PLXDC2: variants seen among roughly 807,000 people sequenced by gnomAD.
The protein encoded by PLXDC2 is plexin domain containing 2, also known as plexin domain-containing protein 2.
PLXDC2 carries 40 observed loss-of-function variants against 68.9 expected under a neutral mutation model. That is an observed-to-expected ratio of 0.58 (90% confidence interval 0.45 to 0.76). The LOEUF (loss-of-function observed/expected upper bound fraction) is 0.76, where lower values mean the gene tolerates loss of function less well. Among genes scored for constraint, PLXDC2 ranks in the 30% least tolerant of loss-of-function variants. The probability of loss-of-function intolerance (pLI) is 0.00; values close to 1 mark genes in which losing one functional copy is unlikely to be tolerated. For synonymous variants in PLXDC2, 243 were observed against 234.2 expected (o/e 1.04, Z -0.34); for missense variants, 644 against 661.9 (o/e 0.97, Z 0.30).
intron 1 of PLXDC2, among the ~76,000 whole-genome samples, chr10:19,976,636 C>A (rs1042128544): frequency 1.3e-5 from 2 of 152,134 alleles, no homozygotes; most frequent in Non-Finnish European, 2.9e-5. Context: ...GGGTATAATT[C>A]TTTCATTGCA....
At chr10:20,028,214 C>G (rs941457433) in intron 2 of PLXDC2, among the ~76,000 whole-genome samples, 4 of 152,134 alleles carry the variant, frequency 2.6e-5, no homozygotes, top group Admixed American at 6.6e-5. Context: ...TGCATTCCAT[C>G]TCAAAATCTG....
In PLXDC2 at chr10:20,240,638, C is replaced by T. The variant is rs78813388; in HGVS notation, c.1313-4707C>T. 8.9e-3 allele frequency among the ~76,000 whole-genome samples: 1,214 copies of T among 136,422 alleles called. 26 individuals carry two copies. The highest frequency in any genetic ancestry group is 0.031 in the African/African-American group (1,146 of 36,682). The allele number at this position is 136,422 out of a possible 152,430, so 89.5% of individuals were successfully genotyped here. A position where few individuals can be genotyped will look rare whatever the true frequency, so the allele number is the denominator to read the frequency against. ...ATAATACCTGCTAATATACGTTCAT[C>T]TAAAGCCCATAGAAAGAAGCTGGAA... is the stretch of plus-strand genomic sequence containing the variant. On this transcript the variant is annotated intron_variant, in intron 12 of 13. Transcript: ENST00000377252.
intron 1 of PLXDC2, among the ~76,000 whole-genome samples, chr10:19,986,175 G>A (rs941443114): frequency 2.0e-5 from 3 of 152,088 alleles, no homozygotes; most frequent in African/African-American, 7.2e-5. Flanking sequence ...GCATTTTGCA[G>A]AGCACTCTGA....
intron 1 of PLXDC2, among the ~76,000 whole-genome samples, chr10:19,946,303 ACT>A (rs1833899445): frequency 6.6e-6 from 1 of 151,874 alleles, no homozygotes; most frequent in East Asian, 1.9e-4. Flanking sequence ...AATATTCAAT[ACT>A]CTCTATAACT....
chr10:20,179,181 C>T (rs1358135030), intron 9 of PLXDC2, among the ~76,000 whole-genome samples: 1 of 152,120 alleles, frequency 6.6e-6, no homozygotes, highest in African/African-American at 2.4e-5. Flanking sequence ...TCAGTGATCA[C>T]CTCGTCCAAG....
chr10:19,931,650 G>T (rs1487263196), intron 1 of PLXDC2, among the ~76,000 whole-genome samples: 1 of 152,098 alleles, frequency 6.6e-6, no homozygotes, highest in Non-Finnish European at 1.5e-5. Flanking sequence ...AGGCCGCTAC[G>T]CTCTGCAGAG....
chr10:19,989,832 C>G (rs1443698266), intron 1 of PLXDC2, among the ~76,000 whole-genome samples: 1 of 150,446 alleles, frequency 6.6e-6, no homozygotes, highest in Non-Finnish European at 1.5e-5. Flanking sequence ...TCACTGCAAC[C>G]TCCATCCCCT....
intron 2 of PLXDC2, among the ~76,000 whole-genome samples, chr10:20,034,697 T>C (rs1191800380): frequency 1.3e-5 from 2 of 152,228 alleles, no homozygotes; most frequent in East Asian, 3.8e-4. Context: ...TTTATAATCA[T>C]GTGATACATA....
intron 3 of PLXDC2, among the ~76,000 whole-genome samples, chr10:20,057,965 A>G (rs1044138744): frequency 1.9e-4 from 29 of 152,238 alleles, no homozygotes; most frequent in Admixed American, 8.5e-4. Context: ...ATTTTTTGTA[A>G]CTATTCTTTC....
chr10:20,207,745 G>A (rs1835012111), intron 9 of PLXDC2, among the ~76,000 whole-genome samples: 1 of 152,118 alleles, frequency 6.6e-6, no homozygotes. Context: ...TTGACCAACT[G>A]GGGATTCTCA....
intron 1 of PLXDC2, among the ~76,000 whole-genome samples, chr10:19,837,356 A>C (rs369835544): frequency 8.6e-5 from 13 of 151,596 alleles, no homozygotes; most frequent in East Asian, 3.9e-4. Context: ...TAGTAATTGC[A>C]ACATTGCTCT....
intron 1 of PLXDC2, among the ~76,000 whole-genome samples, chr10:19,870,425 A>AC (rs1209033451): frequency 2.2e-5 from 3 of 134,636 alleles, no homozygotes; most frequent in Non-Finnish European, 3.2e-5. Context: ...AATTACTATT[A>AC]CTTTTTTTTT....
chr10:20,064,353 T>C (rs2131702422), intron 3 of PLXDC2, among the ~76,000 whole-genome samples: 1 of 151,938 alleles, frequency 6.6e-6, no homozygotes, highest in African/African-American at 2.4e-5. Flanking sequence ...CCCGAATAGC[T>C]AGGACTACAG....
chr10:19,915,005 A>G (rs1261662848), intron 1 of PLXDC2, among the ~76,000 whole-genome samples: 2 of 152,162 alleles, frequency 1.3e-5, no homozygotes. Context: ...ACCTCTATCA[A>G]TAAAATTAAA....
At chr10:20,100,074 C>T (rs1310613396) in intron 4 of PLXDC2, among the ~76,000 whole-genome samples, 1 of 152,110 alleles carries the variant, frequency 6.6e-6, no homozygotes, top group Non-Finnish European at 1.5e-5. Flanking sequence ...AGACCAGTAC[C>T]TTAAAGAAAG....
chr10:20,021,985 C>T (rs1835319720), intron 2 of PLXDC2, among the ~76,000 whole-genome samples: 1 of 152,190 alleles, frequency 6.6e-6, no homozygotes, highest in South Asian at 2.1e-4. Flanking sequence ...GCGTGAGCCA[C>T]CACGCCCAGC....
intron 13 of PLXDC2, among the ~76,000 whole-genome samples, chr10:20,246,008 A>G (rs977957782): frequency 6.6e-6 from 1 of 152,248 alleles, no homozygotes; most frequent in Non-Finnish European, 1.5e-5. Flanking sequence ...AAAATAAAAA[A>G]TGGTATGTGC....
In PLXDC2 at chr10:20,281,374, C is replaced by T. The variant is rs1195738949; in HGVS notation, c.*1555C>T. 1 of 152,138 alleles carries T rather than the reference C, an allele frequency of 6.6e-6. No homozygotes were observed. The highest frequency in any genetic ancestry group is 2.4e-5 in the African/African-American group (1 of 41,450). 9.4% of individuals were successfully genotyped at this position (152,138 alleles called of 1,614,324 possible). A position where few individuals can be genotyped will look rare whatever the true frequency, so the allele number is the denominator to read the frequency against. ...AACATTCTAACCCATGAAACTTTTACACTCTGTGCCAAGAAACTGTTGGCT... is the reference window on the plus strand; with the variant it reads ...AACATTCTAACCCATGAAACTTTTATACTCTGTGCCAAGAAACTGTTGGCT... On this transcript the variant is annotated 3_prime_UTR_variant, in exon 14 of 14. Transcript: ENST00000377252.
intron 2 of PLXDC2, among the ~76,000 whole-genome samples, chr10:20,042,105 C>T (rs1487913245): frequency 1.3e-5 from 2 of 152,080 alleles, no homozygotes; most frequent in African/African-American, 2.4e-5. Flanking sequence ...GTGTGTACCT[C>T]GGGGCTATTT....
Sources: gnomAD v4.1 joint callset for allele counts (sites outside exome capture counted in the v4.1 genomes callset) on GRCh38, gnomAD v4.1.1 for gene constraint, MANE v1.5 for transcripts, NCBI Gene and HGNC (gene_info 2026-07-23, HGNC 2026-07-21) for gene names.